The following HTRA1 variants were observed in gnomAD, a reference collection of about 807,000 sequenced individuals.
HTRA1 encodes the protein serine protease HTRA1.
In HTRA1, 26 loss-of-function variants were observed where a neutral mutation model predicts 49.7. The observed-to-expected ratio is 0.52, with a 90% CI of 0.38 to 0.73. The LOEUF is 0.73. HTRA1 is among the 30% of genes least tolerant of loss of function. The pLI is 0.00. For missense variants in HTRA1, 561 were observed against 667.2 expected, an observed-to-expected ratio of 0.84 and a Z score of 1.75; for synonymous variants, 291 against 286.9, an observed-to-expected ratio of 1.01 and a Z score of -0.14.
Position 122,494,827 on chromosome 10 carries a change from C to T in HTRA1, c.777+5201C>T, listed in dbSNP as rs11200654. ...ACCCCTGATCCTCATCAAGTTCAGACGGGGGTCACTGCGGGTGAGGGGCCT... is the reference window on the plus strand; with the variant it reads ...ACCCCTGATCCTCATCAAGTTCAGATGGGGGTCACTGCGGGTGAGGGGCCT... On this transcript the variant is annotated intron_variant, in intron 3 of 8. Transcript: ENST00000368984. The surrounding 1 kb of genome is among the most constrained non-coding windows in gnomAD (Gnocchi z 4.0). Among the ~76,000 whole-genome samples, 26,196 of 152,158 alleles carry T rather than the reference C, an allele frequency of 0.17. 2,714 individuals are homozygous for T. The highest frequency in any genetic ancestry group is 0.36 in the East Asian group (1,874 of 5,156).
chr10:122,512,874 C>T (rs1035500921), intron 8 of HTRA1, among the ~76,000 whole-genome samples: 7 of 152,194 alleles, frequency 4.6e-5, no homozygotes, highest in African/African-American at 1.7e-4. Context: ...CCCCTTGAGT[C>T]CCCAGAGTCC....
chr10:122,495,127 G>A (rs1362094739), intron 3 of HTRA1, among the ~76,000 whole-genome samples: 2 of 152,278 alleles, frequency 1.3e-5, no homozygotes, highest in East Asian at 1.9e-4. Context: ...GGGCTCACCC[G>A]CTGCCCTCTT....
intron 7 of HTRA1, among the ~76,000 whole-genome samples, chr10:122,510,650 G>A (rs1171193395): frequency 6.6e-6 from 1 of 152,208 alleles, no homozygotes; most frequent in East Asian, 1.9e-4. Context: ...CCCCGAGCTG[G>A]TGGAATTGCG....
In HTRA1 at chr10:122,483,982, A is replaced by G. The variant is rs908987025; in HGVS notation, c.473-4920A>G. Among the ~76,000 whole-genome samples, 12 of 152,236 alleles carry G rather than the reference A, an allele frequency of 7.9e-5. No individual in the cohort carries two copies. In the East Asian group the frequency reaches 2.1e-3, roughly 27 times the overall value. The stretch of plus-strand genomic sequence containing the variant: ...AGAATTTTTCTATATAGACTATCAT[A>G]TATATCATCTGCAAATAAAGACGGT... On this transcript the variant is annotated intron_variant, in intron 1 of 8. Coordinates refer to ENST00000368984, the MANE Select transcript of HTRA1 (RefSeq NM_002775.5).
intron 6 of HTRA1, among the ~76,000 whole-genome samples, chr10:122,509,038 A>G (rs2097504408): frequency 1.3e-5 from 2 of 152,140 alleles, no homozygotes; most frequent in South Asian, 4.1e-4. Context: ...ACATTATTTC[A>G]CTTTCTTTAT....
At chr10:122,511,005 G>A (rs779966850) in intron 7 of HTRA1, among the ~76,000 whole-genome samples, 52 of 150,212 alleles carry the variant, frequency 3.5e-4, no homozygotes, top group Non-Finnish European at 5.8e-4. Context: ...TAAGCCCTTG[G>A]TGCCCAGCTT....
intron 1 of HTRA1, among the ~76,000 whole-genome samples, chr10:122,469,156 A>G (rs920933411): frequency 6.6e-6 from 1 of 152,312 alleles, no homozygotes; most frequent in East Asian, 1.9e-4. Flanking sequence ...AATATTTTCA[A>G]ACCTCAGGAA....
At chr10:122,508,608 C>A in intron 5 of HTRA1, 48 bp from the exon 6 acceptor site, 1 of 1,196,362 alleles carries the variant, frequency 8.4e-7, no homozygotes, top group Non-Finnish European at 1.3e-6. Context: ...TGTGTACCTG[C>A]CGGTAAAGCT....
chr10:122,461,818 G>T lies in HTRA1; in HGVS notation c.166G>T (p.Gly56Cys). 1 of 1,081,732 alleles carries T rather than the reference G, an allele frequency of 9.2e-7. No individual in the cohort carries two copies. The allele number at this position is 1,081,732 out of a possible 1,614,324, so 67.0% of individuals were successfully genotyped here. Residue 56 changes from glycine to cysteine, a missense_variant, in exon 1 of 9, where the codon GGC becomes TGC. Physicochemically the swap from Gly to Cys is radical, Grantham distance 159 (BLOSUM62 -3). Around this residue, in one of 3 missense-constraint regions of HTRA1, gnomAD observed 111 missense variants for 83.7 expected, o/e 1.33. Transcript: ENST00000368984. ...GCCGCAGCCGGAGCACTGCGAGGGC[G>T]GCCGGGCCCGGGACGCGTGCGGCTG... ...CPPQPEHCEG[G>C]RARDACGCCE...
chr10:122,461,661 C>T lies in HTRA1; in HGVS notation c.9C>T (p.Ile3=). The change falls in exon 1 of 9, where the codon ATC becomes ATT. Residue 3 remains isoleucine, a synonymous_variant. Coordinates refer to ENST00000368984, the MANE Select transcript of HTRA1 (RefSeq NM_002775.5). MQ[I]PRAALLPLLL... Reference sequence around the variant, plus strand: ...CCGCCGCCAGAGTCGCCATGCAGATCCCGCGCGCCGCTCTTCTCCCGCTGC... The same window carrying T: ...CCGCCGCCAGAGTCGCCATGCAGATTCCGCGCGCCGCTCTTCTCCCGCTGC... The T allele has an allele frequency of 7.6e-7, 1 of 1,313,804 alleles. No homozygotes were observed. The highest frequency in any genetic ancestry group is 2.7e-5 in the Admixed American group (1 of 36,910). The allele number at this position is 1,313,804 out of a possible 1,614,324, so 81.4% of individuals were successfully genotyped here.
rs1157524354 is a variant in HTRA1 at position 122,487,451 on chromosome 10, T to C, written c.473-1451T>C. 6.6e-6 allele frequency among the ~76,000 whole-genome samples: 1 copy of C among 152,336 alleles called. No homozygotes were observed. The highest frequency in any genetic ancestry group is 1.9e-4 in the East Asian group (1 of 5,184). Reference sequence around the variant, plus strand: ...CCCTGAATCTCTAGCAGTCCGTTTCTGAATCAGTTACCTTGGGTATGTGCC... The same window carrying C: ...CCCTGAATCTCTAGCAGTCCGTTTCCGAATCAGTTACCTTGGGTATGTGCC... On this transcript the variant is annotated intron_variant, in intron 1 of 8. Transcript: ENST00000368984. The surrounding 1 kb of genome is among the most constrained non-coding windows in gnomAD (Gnocchi z 4.8).
chr10:122,510,053 C>T (rs1344741285), intron 6 of HTRA1, 43 bp from the exon 7 acceptor site: 1 of 1,578,390 alleles, frequency 6.3e-7, no homozygotes, highest in South Asian at 1.1e-5. Flanking sequence ...AGCACCCCCA[C>T]CAACTGGGCT....
At chr10:122,467,071 T>C (rs1362285967) in intron 1 of HTRA1, among the ~76,000 whole-genome samples, 2 of 152,242 alleles carry the variant, frequency 1.3e-5, no homozygotes, top group Non-Finnish European at 2.9e-5. Context: ...GAGCTAACTG[T>C]GGTCAGAAGC....
At chr10:122,491,276 C>T (rs2736920) in intron 3 of HTRA1, among the ~76,000 whole-genome samples, 151,686 of 152,318 alleles carry the variant, frequency 1, 75,529 homozygotes, top group Middle Eastern at 1. Context: ...CCCATGGCTA[C>T]TGCTGGAGGG....
intron 1 of HTRA1, among the ~76,000 whole-genome samples, chr10:122,485,840 G>T (rs2097492867): frequency 1.3e-5 from 2 of 152,200 alleles, no homozygotes; most frequent in South Asian, 4.1e-4. Context: ...TCTTGTGAGA[G>T]TTTCTGAAAC....
intron 1 of HTRA1, among the ~76,000 whole-genome samples, chr10:122,468,070 C>T (rs895494544): frequency 6.6e-6 from 1 of 152,192 alleles, no homozygotes; most frequent in Admixed American, 6.5e-5. Context: ...ATTTATTTAA[C>T]ACCTACTGTG....
Position 122,464,056 on chromosome 10 carries a change from T to C in HTRA1, c.472+1932T>C, listed in dbSNP as rs1269429529. Among the ~76,000 whole-genome samples, 7 of 152,288 alleles carry C rather than the reference T, an allele frequency of 4.6e-5. No individual in the cohort carries two copies. The South Asian group carries it at 6.2e-4, about 14-fold the overall frequency. On this transcript the variant is annotated intron_variant, in intron 1 of 8. Transcript: ENST00000368984. The surrounding 1 kb of genome is among the most constrained non-coding windows in gnomAD (Gnocchi z 4.8). ...AGCCTAGTGTAGTGTAGGGCTGACCTAGCAGTGGAGTGCGGAATGCATCCA... is the reference window on the plus strand; with the variant it reads ...AGCCTAGTGTAGTGTAGGGCTGACCCAGCAGTGGAGTGCGGAATGCATCCA...
intron 1 of HTRA1, among the ~76,000 whole-genome samples, chr10:122,476,428 C>T (rs1364816903): frequency 2.0e-5 from 3 of 152,240 alleles, no homozygotes; most frequent in Non-Finnish European, 4.4e-5. Context: ...CCTGTCTGGA[C>T]AGGCCTACTC....
At chr10:122,462,446 A>G (rs1469387068) in intron 1 of HTRA1, among the ~76,000 whole-genome samples, 1 of 152,260 alleles carries the variant, frequency 6.6e-6, no homozygotes, top group African/African-American at 2.4e-5. Context: ...AGGACAAATA[A>G]GAGGAATGGG....
Sources: gnomAD v4.1 joint callset for allele counts (sites outside exome capture counted in the v4.1 genomes callset) on GRCh38, gnomAD v4.1.1 for gene constraint, gnomAD v4.1.1 regional missense constraint, Gnocchi (gnomAD v3.1) non-coding constraint, MANE v1.5 for transcripts, NCBI Gene and HGNC (gene_info 2026-07-23, HGNC 2026-07-21) for gene names.